SIPA1L1: variants seen among roughly 807,000 people sequenced by gnomAD.
The protein encoded by SIPA1L1 is signal induced proliferation associated 1 like 1, also known as signal-induced proliferation-associated 1-like protein 1.
In SIPA1L1, 26 loss-of-function variants were observed where a neutral mutation model predicts 162.7. The ratio of observed to expected loss-of-function variants is 0.16; its 90% confidence interval spans 0.12 to 0.22. The LOEUF (loss-of-function observed/expected upper bound fraction) is 0.22. Among genes scored for constraint, SIPA1L1 ranks in the 10% least tolerant of loss-of-function variants. SIPA1L1 has a pLI of 1.00. For missense variants in SIPA1L1, 1,874 were observed against 2,241.0 expected (o/e 0.84, Z 3.31); for synonymous variants, 829 against 837.4 (o/e 0.99, Z 0.17).
chr14:71,546,981 C>T (rs1034989423), intron 4 of SIPA1L1, among the ~76,000 whole-genome samples: 1 of 152,106 alleles, frequency 6.6e-6, no homozygotes, highest in African/African-American at 2.4e-5. Context: ...TATACCTCTT[C>T]TCAATTGTTT....
At chr14:71,569,383 G>A (rs559859384) in intron 4 of SIPA1L1, among the ~76,000 whole-genome samples, 2 of 152,312 alleles carry the variant, frequency 1.3e-5, no homozygotes, top group Non-Finnish European at 2.9e-5. Context: ...TTAGTTTTAA[G>A]TAGATACTTG....
At chr14:71,340,012 G>A (rs2035484677) in intron 2 of SIPA1L1, among the ~76,000 whole-genome samples, 1 of 152,186 alleles carries the variant, frequency 6.6e-6, no homozygotes, top group Non-Finnish European at 1.5e-5. Context: ...TTTTGGCTGT[G>A]TGCATAAAGC....
At chr14:71,401,911 A>G (rs746877177) in intron 2 of SIPA1L1, among the ~76,000 whole-genome samples, 8 of 152,124 alleles carry the variant, frequency 5.3e-5, no homozygotes, top group Non-Finnish European at 8.8e-5. Context: ...AGTAACATGC[A>G]TTTTTATGTA....
chr14:71,486,847 A>G (rs1269747786), intron 2 of SIPA1L1, among the ~76,000 whole-genome samples: 1 of 152,224 alleles, frequency 6.6e-6, no homozygotes, highest in East Asian at 1.9e-4. Context: ...AAAATAGAAC[A>G]GGATTGATAT....
intron 12 of SIPA1L1, among the ~76,000 whole-genome samples, chr14:71,675,288 T>C (rs1264174539): frequency 6.6e-6 from 1 of 152,006 alleles, no homozygotes; most frequent in African/African-American, 2.4e-5. Flanking sequence ...GAGGGGAGGC[T>C]GGGGGAAGGA....
At chr14:71,386,665 G>A (rs1193840932) in intron 2 of SIPA1L1, among the ~76,000 whole-genome samples, 3 of 152,200 alleles carry the variant, frequency 2.0e-5, no homozygotes, top group Non-Finnish European at 2.9e-5. Flanking sequence ...ATAAACAGAT[G>A]AACCCTGTTT....
intron 4 of SIPA1L1, among the ~76,000 whole-genome samples, chr14:71,551,236 A>G (rs1478007091): frequency 6.6e-6 from 1 of 152,186 alleles, no homozygotes; most frequent in Non-Finnish European, 1.5e-5. Flanking sequence ...AAACAAAACA[A>G]AAACCTTGAT....
intron 2 of SIPA1L1, among the ~76,000 whole-genome samples, chr14:71,456,063 A>G (rs1296221861): frequency 2.6e-5 from 4 of 152,226 alleles, no homozygotes; most frequent in Non-Finnish European, 4.4e-5. Context: ...TTCACATGCA[A>G]TATCATTTTT....
rs994292756 is a variant in SIPA1L1, at chr14:71,672,294, A to C, written c.2830-54A>C. 24 of 1,567,456 alleles carry C rather than the reference A, an allele frequency of 1.5e-5. No individual in the cohort carries two copies. The African/African-American group carries it at 2.8e-4, about 19-fold the overall frequency. Reference sequence around the variant, plus strand: ...GCAATGATTTTCCAGTTCCATGTCCACCACTTAATACCCTATTGCTTTAAA... The same window carrying C: ...GCAATGATTTTCCAGTTCCATGTCCCCCACTTAATACCCTATTGCTTTAAA... On this transcript the variant is annotated intron_variant, in intron 11 of 23. Transcript: ENST00000381232.
intron 2 of SIPA1L1, among the ~76,000 whole-genome samples, chr14:71,383,972 T>G (rs1265770181): frequency 6.6e-6 from 1 of 152,200 alleles, no homozygotes; most frequent in Non-Finnish European, 1.5e-5. Flanking sequence ...TCTCTGGGGC[T>G]TTTTCAGTCA....
intron 3 of SIPA1L1, among the ~76,000 whole-genome samples, chr14:71,514,691 C>T (rs2032661352): frequency 6.6e-6 from 1 of 152,134 alleles, no homozygotes; most frequent in Non-Finnish European, 1.5e-5. Flanking sequence ...GGCCCACCCA[C>T]ATTGTGGAGG....
chr14:71,676,366 C>T (rs2149437035), intron 12 of SIPA1L1, among the ~76,000 whole-genome samples: 1 of 151,850 alleles, frequency 6.6e-6, no homozygotes, highest in East Asian at 1.9e-4. Flanking sequence ...AATATGCAGA[C>T]CCCTTATGAA....
intron 13 of SIPA1L1, among the ~76,000 whole-genome samples, chr14:71,690,348 C>T (rs1251325975): frequency 6.6e-6 from 1 of 152,110 alleles, no homozygotes; most frequent in African/African-American, 2.4e-5. Context: ...AAGCCATCCT[C>T]CCACCTCAAT....
chr14:71,705,758 G>A lies in SIPA1L1; in HGVS notation c.3765+418G>A, dbSNP rs565226405. 3.4e-3 allele frequency among the ~76,000 whole-genome samples: 518 copies of A among 152,144 alleles called. 3 individuals carry two copies. Among genetic ancestry groups the A allele is most frequent in the Non-Finnish European group, 3.7e-3 (255 of 68,002 alleles). ...TTGATTCTGCTGCAGTAAAGGAGGT[G>A]TAGGAGACAGACAGCTTCCCCTATG... On this transcript the variant is annotated intron_variant, in intron 16 of 23. Coordinates refer to ENST00000381232, the MANE Select transcript of SIPA1L1 (RefSeq NM_001386936.1).
chr14:71,452,517 G>A (rs2045904702), intron 2 of SIPA1L1, among the ~76,000 whole-genome samples: 1 of 151,994 alleles, frequency 6.6e-6, no homozygotes, highest in South Asian at 2.1e-4. Context: ...GGGCATATGT[G>A]CACATTTCTG....
At chr14:71,731,084 T>G (rs1397987339) in intron 20 of SIPA1L1, among the ~76,000 whole-genome samples, 2 of 152,192 alleles carry the variant, frequency 1.3e-5, no homozygotes, top group African/African-American at 4.8e-5. Flanking sequence ...CTTCTGTCCT[T>G]TTTCCTTTGG....
At chr14:71,590,187 A>G (rs2035203837) in intron 5 of SIPA1L1, among the ~76,000 whole-genome samples, 1 of 151,656 alleles carries the variant, frequency 6.6e-6, no homozygotes. Flanking sequence ...CCGAAAAGTA[A>G]GTAGTATAAG....
intron 2 of SIPA1L1, among the ~76,000 whole-genome samples, chr14:71,421,087 T>C (rs2043155821): frequency 6.6e-6 from 1 of 152,230 alleles, no homozygotes; most frequent in African/African-American, 2.4e-5. Flanking sequence ...AATAGTTTTC[T>C]TTCAGTTTTG....
At chr14:71,458,305 C>T (rs2046335466) in intron 2 of SIPA1L1, among the ~76,000 whole-genome samples, 2 of 152,104 alleles carry the variant, frequency 1.3e-5, no homozygotes, top group Admixed American at 1.3e-4. Context: ...TTTTGGCACT[C>T]TAGACATTGT....
Sources: allele counts gnomAD v4.1 joint callset (sites outside exome capture counted in the v4.1 genomes callset), GRCh38; gene constraint gnomAD v4.1.1; transcripts MANE v1.5; gene names NCBI Gene and HGNC (gene_info 2026-07-23, HGNC 2026-07-21).